The following HECW2 variants were observed in gnomAD, a reference collection of about 807,000 sequenced individuals.
HECW2 encodes E3 ubiquitin-protein ligase HECW2.
HECW2 carries 61 observed loss-of-function variants against 175.2 expected under a neutral mutation model. The ratio of observed to expected loss-of-function variants is 0.35; its 90% CI spans 0.28 to 0.43. HECW2 has a LOEUF of 0.43. HECW2 is among the 20% of genes least tolerant of loss of function. HECW2 has a pLI of 1.00. For missense variants in HECW2, 1,524 were observed against 2,000.5 expected, an observed-to-expected ratio of 0.76 and a Z score of 4.54; for synonymous variants, 671 against 731.0, an observed-to-expected ratio of 0.92 and a Z score of 1.32.
chr2:196,330,681 A>G (rs994507838), intron 4 of HECW2, among the ~76,000 whole-genome samples: 2 of 152,072 alleles, frequency 1.3e-5, no homozygotes, highest in African/African-American at 4.8e-5. Flanking sequence ...CCTCCATGCG[A>G]TATCTGATCA....
chr2:196,323,915 G>GTTTTTTT lies in HECW2; in HGVS notation c.741+1064_741+1065insAAAAAAA, dbSNP rs1160140452. The stretch of plus-strand genomic sequence containing the variant: ...CCCTTAAGAGTTTTTTTTGTTTTTT[G>GTTTTTTT]TTTGTTTTTTTTTTTTTTTTTTACC... On this transcript the variant is annotated intron_variant, in intron 6 of 28. Transcript: ENST00000644978. Among the ~76,000 whole-genome samples the GTTTTTTT allele has an allele frequency of 9.6e-4, 66 of 68,760 alleles. 4 individuals are homozygous for GTTTTTTT. Among genetic ancestry groups the GTTTTTTT allele is most frequent in the East Asian group, 3.7e-3 (7 of 1,878 alleles). 45.1% of individuals were successfully genotyped at this position (68,760 alleles called of 152,430 possible). A position where few individuals can be genotyped will look rare whatever the true frequency, so the allele number is the denominator to read the frequency against.
chr2:196,200,414 T>C lies in HECW2; in HGVS notation c.*863A>G, dbSNP rs1686817635. The C allele has an allele frequency of 6.6e-6, 1 of 152,584 alleles. No individual in the cohort carries two copies. The highest frequency in any genetic ancestry group is 2.4e-5 in the African/African-American group (1 of 41,420). 9.5% of individuals were successfully genotyped at this position (152,584 alleles called of 1,614,324 possible). The stretch of plus-strand genomic sequence containing the variant: ...TATTAGCATGATGCCCGAGTATGCA[T>C]GGAACATGAAAATGGAATGAGTGAT... On this transcript the variant is annotated 3_prime_UTR_variant, in exon 29 of 29. Transcript: ENST00000644978.
intron 1 of HECW2, among the ~76,000 whole-genome samples, chr2:196,568,748 CA>C (rs1690271053): frequency 6.6e-6 from 1 of 152,080 alleles, no homozygotes; most frequent in African/African-American, 2.4e-5. Context: ...GGTAAAAAAC[CA>C]ATACTTACTA....
intron 1 of HECW2, among the ~76,000 whole-genome samples, chr2:196,448,125 G>A (rs1003799916): frequency 6.6e-6 from 1 of 152,184 alleles, no homozygotes; most frequent in Non-Finnish European, 1.5e-5. Context: ...GGCCATATTT[G>A]TGATTATAAC....
intron 13 of HECW2, among the ~76,000 whole-genome samples, chr2:196,298,931 A>C (rs938457956): frequency 6.6e-6 from 1 of 152,242 alleles, no homozygotes; most frequent in African/African-American, 2.4e-5. Context: ...AAATCAAATA[A>C]AAGTTTATTT....
intron 2 of HECW2, among the ~76,000 whole-genome samples, chr2:196,400,227 A>T (rs534073393): frequency 9.0e-4 from 137 of 152,220 alleles, no homozygotes; most frequent in Non-Finnish European, 1.7e-3. Flanking sequence ...GGGATTCTTG[A>T]GGCCTTTCCA....
intron 2 of HECW2, among the ~76,000 whole-genome samples, chr2:196,363,055 C>A (rs1000529520): frequency 1.3e-5 from 2 of 152,070 alleles, no homozygotes; most frequent in Non-Finnish European, 2.9e-5. Flanking sequence ...CGAAGGGCCA[C>A]AGAGCTTTGG....
At chr2:196,209,881 T>A (rs77654675) in intron 28 of HECW2, among the ~76,000 whole-genome samples, 44,345 of 151,566 alleles carry the variant, frequency 0.29, 6,763 homozygotes, top group East Asian at 0.54. Flanking sequence ...CTCCTGCCTC[T>A]GCCTCCCGAG....
intron 1 of HECW2, among the ~76,000 whole-genome samples, chr2:196,434,222 C>T (rs939026394): frequency 4.6e-5 from 7 of 152,138 alleles, no homozygotes; most frequent in South Asian, 2.1e-4. Context: ...CGGTACATGT[C>T]GATAAATATT....
chr2:196,482,679 T>C (rs745509988), intron 1 of HECW2, among the ~76,000 whole-genome samples: 6 of 152,176 alleles, frequency 3.9e-5, no homozygotes, highest in Non-Finnish European at 7.4e-5. Flanking sequence ...GCATCTGTCC[T>C]GGGAGGCAAG....
rs1246412940 is a variant in HECW2 at position 196,238,480 on chromosome 2, A to G, written c.3764+1969T>C. On this transcript the variant is annotated intron_variant, in intron 21 of 28. Coordinates refer to ENST00000644978, the MANE Select transcript of HECW2 (RefSeq NM_001348768.2). ...CTTTCTTTATTTTTTTTAGCTTTCTATTTTTCCAGCACAATTACTGTTTTC... is the reference window on the plus strand; with the variant it reads ...CTTTCTTTATTTTTTTTAGCTTTCTGTTTTTCCAGCACAATTACTGTTTTC... 5 of 148,564 alleles carry G rather than the reference A, an allele frequency of 3.4e-5. No individual in the cohort carries two copies. In the East Asian group the frequency reaches 9.9e-4, roughly 29 times the overall value. The allele number at this position is 148,564 out of a possible 1,614,324, so 9.2% of individuals were successfully genotyped here.
chr2:196,201,744 G>A (rs1184096216), intron 28 of HECW2, among the ~76,000 whole-genome samples: 3 of 151,608 alleles, frequency 2.0e-5, no homozygotes, highest in South Asian at 2.1e-4. Context: ...TTTAATACAC[G>A]GACATAAGGC....
chr2:196,504,207 A>G (rs909534649), intron 1 of HECW2, among the ~76,000 whole-genome samples: 1 of 151,594 alleles, frequency 6.6e-6, no homozygotes, highest in African/African-American at 2.4e-5. Context: ...GAGGCAGGAG[A>G]ATCACTTGAA....
intron 2 of HECW2, among the ~76,000 whole-genome samples, chr2:196,390,483 T>C (rs149766631): frequency 1.1e-3 from 168 of 152,298 alleles, no homozygotes; most frequent in African/African-American, 3.8e-3. Flanking sequence ...ACAGCAAAAG[T>C]CGCTGCATGG....
chr2:196,451,848 G>A (rs138620034), intron 1 of HECW2, among the ~76,000 whole-genome samples: 1,991 of 152,212 alleles, frequency 0.013, 23 homozygotes, highest in South Asian at 0.063. Flanking sequence ...GCAGTGAACC[G>A]AGATCACACC....
chr2:196,566,757 T>G (rs1237305027), intron 1 of HECW2, among the ~76,000 whole-genome samples: 1 of 149,316 alleles, frequency 6.7e-6, no homozygotes, highest in Non-Finnish European at 1.5e-5. Context: ...TTCAGCATGT[T>G]GGCCAGGCTG....
At chr2:196,267,904 A>G (rs1172087341) in intron 17 of HECW2, among the ~76,000 whole-genome samples, 3 of 152,242 alleles carry the variant, frequency 2.0e-5, no homozygotes, top group Admixed American at 6.5e-5. Flanking sequence ...GAGAAAGGAC[A>G]TATGCCAAGC....
At chr2:196,347,593 T>A (rs971439185) in intron 2 of HECW2, among the ~76,000 whole-genome samples, 4 of 152,196 alleles carry the variant, frequency 2.6e-5, no homozygotes, top group African/African-American at 4.8e-5. Flanking sequence ...GTATTCAGGT[T>A]CACACAGAAC....
chr2:196,237,662 T>C (rs939155731), intron 21 of HECW2, among the ~76,000 whole-genome samples: 1 of 152,242 alleles, frequency 6.6e-6, no homozygotes, highest in African/African-American at 2.4e-5. Flanking sequence ...CTTCCCCATT[T>C]ATTTATGTAT....
Sources: gnomAD v4.1 joint callset for allele counts (sites outside exome capture counted in the v4.1 genomes callset) on GRCh38, gnomAD v4.1.1 for gene constraint, MANE v1.5 for transcripts, NCBI Gene and HGNC (gene_info 2026-07-23, HGNC 2026-07-21) for gene names.